RPTOR: variants seen among roughly 807,000 people sequenced by gnomAD.
RPTOR encodes regulatory-associated protein of mTOR.
In RPTOR, 21 loss-of-function variants were observed where a neutral mutation model predicts 169.9. That is an observed-to-expected ratio of 0.12 (90% CI 0.09 to 0.18). RPTOR has a LOEUF of 0.18. RPTOR is among the 10% of genes least tolerant of loss of function. The pLI, the probability that RPTOR is intolerant of heterozygous loss-of-function variation, is 1.00. For synonymous variants in RPTOR, 732 were observed against 753.2 expected (o/e 0.97, Z 0.46); for missense variants, 1,133 against 1,855.9 (o/e 0.61, Z 7.16).
At chr17:80,798,658 G>A (rs188597524) in intron 7 of RPTOR, among the ~76,000 whole-genome samples, 13 of 152,122 alleles carry the variant, frequency 8.5e-5, no homozygotes, top group South Asian at 6.2e-4. Context: ...CCTATGATGC[G>A]CATTCACCTG....
rs530732324 is a variant in RPTOR at position 80,602,609 on chromosome 17, A to G, written c.163-23082A>G. 1.3e-4 allele frequency: 80 copies of G among 639,024 alleles called. No individual in the cohort carries two copies. In the Middle Eastern group the frequency reaches 2.1e-3, roughly 17 times the overall value. The allele number at this position is 639,024 out of a possible 1,614,324, so 39.6% of individuals were successfully genotyped here. A position where few individuals can be genotyped will look rare whatever the true frequency, so the allele number is the denominator to read the frequency against. On this transcript the variant is annotated intron_variant, in intron 1 of 33. Transcript: ENST00000306801. Reference sequence around the variant, plus strand: ...TGAACATGGTAACAGGTACATAGGTAACCAAAGTATAGAACTTATTTGGTG... The same window carrying G: ...TGAACATGGTAACAGGTACATAGGTGACCAAAGTATAGAACTTATTTGGTG...
chr17:80,965,643 AG>A lies in RPTOR; in HGVS notation c.*1315del, dbSNP rs752380338. On this transcript the variant is annotated 3_prime_UTR_variant, in exon 34 of 34. Transcript: ENST00000306801. ...CACGGGAGTGAGAGCTGGTGTGGCG[AG>A]GCCCGGCTCTCCTGCGGTGTGGCTG... The A allele has an allele frequency of 1.8e-4, 43 of 233,250 alleles. 1 individual carries two copies. Among genetic ancestry groups the A allele is most frequent in the Non-Finnish European group, 2.3e-4 (27 of 118,086 alleles). The allele number at this position is 233,250 out of a possible 1,614,324, so 14.4% of individuals were successfully genotyped here. A position where few individuals can be genotyped will look rare whatever the true frequency, so the allele number is the denominator to read the frequency against.
intron 11 of RPTOR, among the ~76,000 whole-genome samples, chr17:80,852,120 C>G (rs2067799386): frequency 6.6e-6 from 1 of 152,194 alleles, no homozygotes; most frequent in African/African-American, 2.4e-5. Flanking sequence ...TAGCCGAACA[C>G]TATGATGCTG....
intron 7 of RPTOR, among the ~76,000 whole-genome samples, chr17:80,808,951 T>A (rs62069407): frequency 0.068 from 10,355 of 152,318 alleles, 468 homozygotes; most frequent in African/African-American, 0.12. Flanking sequence ...CTGACTGTTA[T>A]GAACAAAGCT....
At chr17:80,723,399 TG>T (rs1239072558) in intron 4 of RPTOR, among the ~76,000 whole-genome samples, 1 of 151,286 alleles carries the variant, frequency 6.6e-6, no homozygotes, top group Non-Finnish European at 1.5e-5. Context: ...ATGAAAGAAT[TG>T]TTGCTTCTCT....
rs796820789 is a variant in RPTOR at position 80,708,993 on chromosome 17, G to A, written c.507+994G>A. ...ACTGAACTCTCGGTTCCCGCCTACC[G>A]TCCCGGGTTCGCAGCTAGCATTCGG... is the stretch of plus-strand genomic sequence containing the variant. On this transcript the variant is annotated intron_variant, in intron 4 of 33. Coordinates refer to ENST00000306801, the MANE Select transcript of RPTOR (RefSeq NM_020761.3). This position sits in a 1 kb window ranked among gnomAD's most constrained non-coding sequence, Gnocchi z 4.2. 18 of 985,548 alleles carry A rather than the reference G, an allele frequency of 1.8e-5. No individual in the cohort carries two copies. Among genetic ancestry groups the A allele is most frequent in the Non-Finnish European group, 1.7e-5 (14 of 830,002 alleles). 61.1% of individuals were successfully genotyped at this position (985,548 alleles called of 1,614,324 possible). A position where few individuals can be genotyped will look rare whatever the true frequency, so the allele number is the denominator to read the frequency against.
intron 22 of RPTOR, among the ~76,000 whole-genome samples, chr17:80,923,150 A>G (rs557898409): frequency 2.0e-5 from 3 of 152,230 alleles, no homozygotes; most frequent in Non-Finnish European, 2.9e-5. Context: ...GGTAACCAAC[A>G]GGTGTTTGCA....
chr17:80,708,040 G>C lies in RPTOR; in HGVS notation c.507+41G>C, dbSNP rs1466973104. ...AGCTTCCTTCCCGTTTCTGCCAAAA[G>C]CCATGCCAATTGCGGTGGTCGGAGC... On this transcript the variant is annotated intron_variant, in intron 4 of 33. Transcript: ENST00000306801. The surrounding 1 kb of genome is among the most constrained non-coding windows in gnomAD (Gnocchi z 4.2). 2 of 1,594,524 alleles carry C rather than the reference G, an allele frequency of 1.3e-6. No individual in the cohort carries two copies. Among genetic ancestry groups the C allele is most frequent in the South Asian group, 1.1e-5 (1 of 88,586 alleles).
Position 80,949,351 on chromosome 17 carries a change from G to A in RPTOR, c.3266-92G>A, listed in dbSNP as rs145903677. Reference sequence around the variant, plus strand: ...TGGCCGCCCAGGGTCACTGCAGCACGTCTGCCAGGAAGGGCTCTTACCACC... The same window carrying A: ...TGGCCGCCCAGGGTCACTGCAGCACATCTGCCAGGAAGGGCTCTTACCACC... On this transcript the variant is annotated intron_variant, in intron 27 of 33. Coordinates refer to ENST00000306801, the MANE Select transcript of RPTOR (RefSeq NM_020761.3). 10,334 of 1,107,900 alleles carry A rather than the reference G, an allele frequency of 9.3e-3. 67 individuals are homozygous for A. Among genetic ancestry groups the A allele is most frequent in the Middle Eastern group, 0.031 (159 of 5,052 alleles). 68.6% of individuals were successfully genotyped at this position (1,107,900 alleles called of 1,614,324 possible).
At chr17:80,634,751 G>GTGTGTGCATAC (rs1567831539) in intron 2 of RPTOR, among the ~76,000 whole-genome samples, 1 of 52,546 alleles carries the variant, frequency 1.9e-5, no homozygotes, top group African/African-American at 8.9e-5. Flanking sequence ...TGTGCATACT[G>GTGTGTGCATAC]TGTGTGTGCG....
intron 3 of RPTOR, among the ~76,000 whole-genome samples, chr17:80,693,040 T>C (rs990280682): frequency 6.6e-6 from 1 of 152,240 alleles, no homozygotes; most frequent in Non-Finnish European, 1.5e-5. Flanking sequence ...ATGTTGTACA[T>C]GGTTTCTTCT....
intron 6 of RPTOR, among the ~76,000 whole-genome samples, chr17:80,778,715 C>G (rs1376820631): frequency 1.3e-5 from 2 of 152,168 alleles, no homozygotes; most frequent in African/African-American, 2.4e-5. Context: ...AGGAGGATGA[C>G]TAGAGCCCGG....
chr17:80,863,084 TAAA>T (rs2143771530), intron 13 of RPTOR, among the ~76,000 whole-genome samples: 2 of 152,234 alleles, frequency 1.3e-5, no homozygotes, highest in East Asian at 3.9e-4. Context: ...GGGGAGGCCT[TAAA>T]GAAGGTGGGC....
At position 80,843,447 on chromosome 17, in the gene RPTOR, T is replaced by C. The variant is rs138610532; in HGVS notation, c.1213-3026T>C. Among the ~76,000 whole-genome samples, 338 of 151,962 alleles carry C rather than the reference T, an allele frequency of 2.2e-3. 3 individuals carry two copies. The highest frequency in any genetic ancestry group is 7.8e-3 in the African/African-American group (323 of 41,436). On this transcript the variant is annotated intron_variant, in intron 10 of 33. Coordinates refer to ENST00000306801, the MANE Select transcript of RPTOR (RefSeq NM_020761.3). ...AAAAAAAATTTTTTTTTTTGGTTTA[T>C]TGAGATAGTAGGAGAAGCCAGAATG...
chr17:80,619,175 TG>T (rs1345319181), intron 1 of RPTOR, among the ~76,000 whole-genome samples: 1 of 152,172 alleles, frequency 6.6e-6, no homozygotes, highest in Non-Finnish European at 1.5e-5. Flanking sequence ...GTGACCTGTG[TG>T]GCCAGCCCCA....
At chr17:80,757,417 C>T (rs1164644197) in intron 6 of RPTOR, among the ~76,000 whole-genome samples, 1 of 152,162 alleles carries the variant, frequency 6.6e-6, no homozygotes, top group Admixed American at 6.5e-5. Flanking sequence ...GAAGTCCTTT[C>T]TGAACGCAGA....
At chr17:80,793,331 A>G in intron 7 of RPTOR, among the ~76,000 whole-genome samples, 1 of 152,308 alleles carries the variant, frequency 6.6e-6, no homozygotes, top group South Asian at 2.1e-4. Flanking sequence ...TATATATATT[A>G]TATATCTAAT....
chr17:80,832,839 G>T (rs2067520996), intron 9 of RPTOR, among the ~76,000 whole-genome samples: 1 of 152,208 alleles, frequency 6.6e-6, no homozygotes, highest in Non-Finnish European at 1.5e-5. Context: ...GTACAATCTA[G>T]CTATTATACT....
intron 13 of RPTOR, among the ~76,000 whole-genome samples, chr17:80,874,804 G>A (rs1199857847): frequency 6.6e-6 from 1 of 152,062 alleles, no homozygotes; most frequent in Non-Finnish European, 1.5e-5. Flanking sequence ...GCATCCTCAC[G>A]TTACGGTAAC....
Sources: allele counts gnomAD v4.1 joint callset (sites outside exome capture counted in the v4.1 genomes callset), GRCh38; gene constraint gnomAD v4.1.1; non-coding constraint Gnocchi (gnomAD v3.1); transcripts MANE v1.5; gene names NCBI Gene and HGNC (gene_info 2026-07-23, HGNC 2026-07-21).